CELSR1: variants seen among roughly 807,000 people sequenced by gnomAD.
CELSR1 encodes the protein cadherin EGF LAG seven-pass G-type receptor 1, also known as adhesion G protein-coupled receptor C1.
Under a neutral mutation model 249.1 loss-of-function variants are expected in CELSR1, and 110 were observed. That is an observed-to-expected ratio of 0.44 (90% CI 0.38 to 0.52). The LOEUF is 0.52. Among genes scored for constraint, CELSR1 ranks in the 20% least tolerant of loss-of-function variants. The pLI is 0.00. For synonymous variants in CELSR1, 2,113 were observed against 1,900.0 expected (o/e 1.11, Z -2.92); for missense variants, 4,109 against 4,296.4 (o/e 0.96, Z 1.22).
rs772716680 is a variant in CELSR1 at position 46,440,001 on chromosome 22, G to T, written c.4184-590C>A. On this transcript the variant is annotated intron_variant, in intron 2 of 34. Coordinates refer to ENST00000674500, the MANE Select transcript of CELSR1 (RefSeq NM_001378328.1). The surrounding 1 kb of genome is among the most constrained non-coding windows in gnomAD (Gnocchi z 4.7). ...TTCCAACCCGGTTCTAATCTGGCCC[G>T]TCTCGCCCACCAGCCTGTGAGCTCC... Among the ~76,000 whole-genome samples, 1 of 151,172 alleles carries T rather than the reference G, an allele frequency of 6.6e-6. No homozygotes were observed. The highest frequency in any genetic ancestry group is 1.5e-5 in the Non-Finnish European group (1 of 67,858).
Position 46,366,480 on chromosome 22 carries a change from G to C in CELSR1, c.8206C>G (p.Arg2736Gly), listed in dbSNP as rs1489994045. 6.5e-7 allele frequency: 1 copy of C among 1,549,750 alleles called. No homozygotes were observed. Among genetic ancestry groups the C allele is most frequent in the Non-Finnish European group, 8.7e-7 (1 of 1,146,316 alleles). Reference protein sequence around the residue: ...SATTRATLLTRSLNCNTTFGD... With the variant: ...SATTRATLLTGSLNCNTTFGD... ...AAGGTGGTGTTGCAGTTGAGGGAGC[G>C]CTGAAGGGAGGGGAGGGGCTGGTCA... Residue 2736 changes from arginine to glycine, a missense_variant and splice_region_variant, in exon 30 of 35, where the codon CGC becomes GGC. Around this residue, in one of 7 missense-constraint regions of CELSR1, gnomAD observed 1,805 missense variants for 1,831.6 expected, o/e 0.99. Transcript: ENST00000674500.
chr22:46,502,779 G>A (rs988586347), intron 1 of CELSR1, among the ~76,000 whole-genome samples: 1 of 152,102 alleles, frequency 6.6e-6, no homozygotes, highest in Admixed American at 6.6e-5. Flanking sequence ...ACACTCTCCT[G>A]ACTCTCTCTA....
chr22:46,384,631 T>C lies in CELSR1; in HGVS notation c.6795A>G (p.Arg2265=), dbSNP rs778082548. ...KFNFTGARVP[R]FDTIHEEFPR... ...GGAACTCTTCATGGATGGTGTCGAA[T>C]CGCGGGACCCTGGCTCCCGTAAAGT... is the stretch of plus-strand genomic sequence containing the variant. The change falls in exon 20 of 35, where the codon CGA becomes CGG. Residue 2265 remains arginine, a synonymous_variant. Coordinates refer to ENST00000674500, the MANE Select transcript of CELSR1 (RefSeq NM_001378328.1). The C allele has an allele frequency of 6.2e-7, 1 of 1,613,730 alleles. No individual in the cohort carries two copies. The highest frequency in any genetic ancestry group is 8.5e-7 in the Non-Finnish European group (1 of 1,179,882).
At chr22:46,496,557 A>G (rs2080415723) in intron 1 of CELSR1, among the ~76,000 whole-genome samples, 1 of 152,172 alleles carries the variant, frequency 6.6e-6, no homozygotes, top group Non-Finnish European at 1.5e-5. Context: ...AACTGAGTAA[A>G]ACTCTATCTC....
Position 46,398,495 on chromosome 22 carries a change from T to C in CELSR1, c.5526+29A>G, listed in dbSNP as rs1328173201. Reference sequence around the variant, plus strand: ...CGGAGCTGCCTGTGAGGGGCAGGCCTCCCCCCGCCCCCCACAACCCCCACG... The same window carrying C: ...CGGAGCTGCCTGTGAGGGGCAGGCCCCCCCCCGCCCCCCACAACCCCCACG... On this transcript the variant is annotated intron_variant, in intron 11 of 34. Transcript: ENST00000674500. The surrounding 1 kb of genome is among the most constrained non-coding windows in gnomAD (Gnocchi z 7.2). The C allele has an allele frequency of 3.3e-6, 5 of 1,506,032 alleles. No individual in the cohort carries two copies. The Admixed American group carries it at 9.3e-5, about 28-fold the overall frequency. The allele number at this position is 1,506,032 out of a possible 1,614,324, so 93.3% of individuals were successfully genotyped here.
intron 1 of CELSR1, among the ~76,000 whole-genome samples, chr22:46,528,497 G>T (rs531520403): frequency 6.6e-6 from 1 of 152,174 alleles, no homozygotes; most frequent in Non-Finnish European, 1.5e-5. Context: ...CCCAAGCTCC[G>T]CATTCTGCAA....
In CELSR1 at chr22:46,454,234, C is replaced by A. The variant is rs576625370; in HGVS notation, c.4183+9473G>T. On this transcript the variant is annotated intron_variant, in intron 2 of 34. Transcript: ENST00000674500. The surrounding 1 kb of genome is among the most constrained non-coding windows in gnomAD (Gnocchi z 5.1). Reference sequence around the variant, plus strand: ...AGGCCCTCCCCAGGGCCTCCCGGAGCAGCCCCGCCCACGCCCCTGAATGCA... The same window carrying A: ...AGGCCCTCCCCAGGGCCTCCCGGAGAAGCCCCGCCCACGCCCCTGAATGCA... 1.3e-4 allele frequency among the ~76,000 whole-genome samples: 20 copies of A among 152,328 alleles called. No homozygotes were observed. In the South Asian group the frequency reaches 3.1e-3, roughly 24 times the overall value.
intron 2 of CELSR1, among the ~76,000 whole-genome samples, chr22:46,442,301 C>T (rs1602142238): frequency 6.6e-6 from 1 of 152,272 alleles, no homozygotes; most frequent in Admixed American, 6.5e-5. Flanking sequence ...CCTCCCGGCC[C>T]AGTTCCACTG....
chr22:46,530,157 T>A (rs5768906), intron 1 of CELSR1, among the ~76,000 whole-genome samples: 102,292 of 150,238 alleles, frequency 0.68, 35,979 homozygotes, highest in African/African-American at 0.88. Flanking sequence ...TACAAATAAT[T>A]AAAAAAAAAA....
At chr22:46,505,557 C>T (rs1317947207) in intron 1 of CELSR1, among the ~76,000 whole-genome samples, 2 of 151,954 alleles carry the variant, frequency 1.3e-5, no homozygotes, top group Admixed American at 6.6e-5. Flanking sequence ...AGAGTGGAGG[C>T]TGCACTGAGT....
In CELSR1 at chr22:46,464,290, G is replaced by A. The variant is rs773471661; in HGVS notation, c.3600C>T (p.Asp1200=). The A allele has an allele frequency of 1.4e-5, 22 of 1,613,408 alleles. No individual in the cohort carries two copies. Among genetic ancestry groups the A allele is most frequent in the East Asian group, 4.5e-5 (2 of 44,892 alleles). ...FCTLRVTIIT[D]DMLTNSITVR... ...CAGTGATGCTGTTGGTCAGCATGTC[G>A]TCCGTGATGATGGTGACACGCAGGG... is the stretch of plus-strand genomic sequence containing the variant. The change falls in exon 2 of 35, where the codon GAC becomes GAT. Residue 1200 remains aspartate, a synonymous_variant. Transcript: ENST00000674500. The surrounding 1 kb of genome is among the most constrained non-coding windows in gnomAD (Gnocchi z 8.5).
At chr22:46,392,747 GGAGTCTCACT>G (rs992102386) in intron 14 of CELSR1, among the ~76,000 whole-genome samples, 5 of 150,234 alleles carry the variant, frequency 3.3e-5, no homozygotes, top group Admixed American at 6.6e-5. Flanking sequence ...TGTAGAAATG[GGAGTCTCACT>G]ATGTTGCCCA....
chr22:46,535,297 G>T lies in CELSR1; in HGVS notation c.1874C>A (p.Thr625Asn), dbSNP rs762277021. Reference protein sequence around the residue: ...GSAGPKNPAPTPDFPFQIHNS... With the variant: ...GSAGPKNPAPNPDFPFQIHNS... Reference sequence around the variant, plus strand: ...GTGGATCTGGAAGGGGAAGTCAGGGGTGGGGGCAGGATTCTTAGGCCCAGC... The same window carrying T: ...GTGGATCTGGAAGGGGAAGTCAGGGTTGGGGGCAGGATTCTTAGGCCCAGC... Residue 625 changes from threonine to asparagine, a missense_variant, in exon 1 of 35, where the codon ACC becomes AAC. Physicochemically the swap from Thr to Asn is moderately conservative, Grantham distance 65. Around this residue, in one of 7 missense-constraint regions of CELSR1, gnomAD observed 886 missense variants for 896.5 expected, o/e 0.99. Transcript: ENST00000674500. The T allele has an allele frequency of 6.2e-7, 1 of 1,611,380 alleles. No homozygotes were observed. The highest frequency in any genetic ancestry group is 8.5e-7 in the Non-Finnish European group (1 of 1,179,996).
intron 1 of CELSR1, among the ~76,000 whole-genome samples, chr22:46,531,635 A>G (rs1383548903): frequency 1.3e-5 from 2 of 152,164 alleles, no homozygotes; most frequent in Non-Finnish European, 2.9e-5. Flanking sequence ...TCGTGGTTTA[A>G]CGCCGAGTGC....
intron 2 of CELSR1, among the ~76,000 whole-genome samples, chr22:46,444,029 C>T (rs753241602): frequency 4.6e-5 from 7 of 152,242 alleles, no homozygotes; most frequent in Non-Finnish European, 8.8e-5. Context: ...GGGGCCCAGC[C>T]CTGCCCTTCC....
rs1441365137 is a variant in CELSR1, at chr22:46,364,086, C to T, written c.8945G>A (p.Ser2982Asn). The stretch of plus-strand genomic sequence containing the variant: ...GTCACGCCCCGGCTCCCTCCCAGGG[C>T]TCTTGACTGTGATGGCGCAGTCGGG... Reference protein sequence around the residue: ...GGPDCAITVKSPGREPGRDHL... With the variant: ...GGPDCAITVKNPGREPGRDHL... Residue 2982 changes from serine (S) to asparagine (N), a missense_variant, in exon 34 of 35, where the codon AGC (serine) becomes AAC (asparagine). Coordinates refer to ENST00000674500, the MANE Select transcript of CELSR1 (RefSeq NM_001378328.1). 4.3e-6 allele frequency: 7 copies of T among 1,612,412 alleles called. No homozygotes were observed. The highest frequency in any genetic ancestry group is 3.3e-5 in the South Asian group (3 of 91,074).
At chr22:46,476,176 C>G (rs1028754906) in intron 1 of CELSR1, among the ~76,000 whole-genome samples, 4 of 152,184 alleles carry the variant, frequency 2.6e-5, no homozygotes, top group Non-Finnish European at 5.9e-5. Flanking sequence ...ATCCACACAA[C>G]TTGTCCACAA....
rs896725324 is a variant in CELSR1, at chr22:46,423,395, G to T, written c.4611+9998C>A. Among the ~76,000 whole-genome samples, 3 of 151,996 alleles carry T rather than the reference G, an allele frequency of 2.0e-5. No individual in the cohort carries two copies. The highest frequency in any genetic ancestry group is 7.3e-5 in the African/African-American group (3 of 41,370). Reference sequence around the variant, plus strand: ...AGGCCGAGGGGGGCAGATCACCTGAGGTCAGGAGTTCAAGACCAGCCTCAA... The same window carrying T: ...AGGCCGAGGGGGGCAGATCACCTGATGTCAGGAGTTCAAGACCAGCCTCAA... On this transcript the variant is annotated intron_variant, in intron 5 of 34. Transcript: ENST00000674500. This position sits in a 1 kb window ranked among gnomAD's most constrained non-coding sequence, Gnocchi z 5.6.
In CELSR1 at chr22:46,427,108, T is replaced by TACACAC. The variant is rs888424501; in HGVS notation, c.4611+6279_4611+6284dup. ...TGAAGTGTGTGTGCATGTATATATG[T>TACACAC]ACACACACACACACCTACACAGACG... On this transcript the variant is annotated intron_variant, in intron 5 of 34. Coordinates refer to ENST00000674500, the MANE Select transcript of CELSR1 (RefSeq NM_001378328.1). This position sits in a 1 kb window ranked among gnomAD's most constrained non-coding sequence, Gnocchi z 4.2. 1.3e-5 allele frequency among the ~76,000 whole-genome samples: 2 copies of TACACAC among 151,894 alleles called. No individual in the cohort carries two copies. The highest frequency in any genetic ancestry group is 2.9e-5 in the Non-Finnish European group (2 of 67,956).
Sources: gnomAD v4.1 joint callset for allele counts (sites outside exome capture counted in the v4.1 genomes callset) on GRCh38, gnomAD v4.1.1 for gene constraint, gnomAD v4.1.1 regional missense constraint, Gnocchi (gnomAD v3.1) non-coding constraint, MANE v1.5 for transcripts, NCBI Gene and HGNC (gene_info 2026-07-23, HGNC 2026-07-21) for gene names.